The following CACNA1E variants were observed in gnomAD, a reference collection of about 807,000 sequenced individuals.
The protein encoded by CACNA1E is calcium voltage-gated channel subunit alpha1 E, also known as voltage-dependent R-type calcium channel subunit alpha-1E.
Under a neutral mutation model 259.2 loss-of-function variants are expected in CACNA1E, and 40 were observed. The observed-to-expected ratio is 0.15, with a 90% CI of 0.12 to 0.20. CACNA1E has a LOEUF of 0.20. CACNA1E is among the 10% of genes least tolerant of loss of function. The pLI, the probability that CACNA1E is intolerant of heterozygous loss-of-function variation, is 1.00. For synonymous variants in CACNA1E, 1,104 were observed against 1,138.5 expected (o/e 0.97, Z 0.61); for missense variants, 1,874 against 3,040.1 (o/e 0.62, Z 9.02).
intron 7 of CACNA1E, among the ~76,000 whole-genome samples, chr1:181,665,049 G>A (rs570934660): frequency 1.3e-5 from 2 of 152,058 alleles, no homozygotes; most frequent in African/African-American, 4.8e-5. Context: ...ATTTCTGGTT[G>A]ACCAAGTTCT....
chr1:181,795,088 C>T (rs768118535), intron 46 of CACNA1E, 44 bp downstream of exon 46: 2 of 1,532,512 alleles, frequency 1.3e-6, no homozygotes, highest in Admixed American at 3.5e-5. Context: ...AGGCAGTGGG[C>T]TCCTGCCCTG....
chr1:181,363,838 G>A (rs1654067165), intron 1 of CACNA1E, among the ~76,000 whole-genome samples: 1 of 152,232 alleles, frequency 6.6e-6, no homozygotes. Context: ...TGGTGAGAGA[G>A]CTCTGGGAAG....
At chr1:181,716,603 T>G (rs949926769) in intron 10 of CACNA1E, among the ~76,000 whole-genome samples, 2 of 152,240 alleles carry the variant, frequency 1.3e-5, no homozygotes, top group Non-Finnish European at 2.9e-5. Context: ...TAACATTATG[T>G]GTTCCATCTC....
At chr1:181,500,474 C>A (rs964829207) in intron 1 of CACNA1E, among the ~76,000 whole-genome samples, 1 of 152,178 alleles carries the variant, frequency 6.6e-6, no homozygotes, top group Non-Finnish European at 1.5e-5. Flanking sequence ...TGGGGCTTTT[C>A]CCCCGAAGTT....
At chr1:181,524,958 C>T (rs1667246045) in intron 3 of CACNA1E, among the ~76,000 whole-genome samples, 1 of 152,174 alleles carries the variant, frequency 6.6e-6, no homozygotes, top group Non-Finnish European at 1.5e-5. Flanking sequence ...TAAATGTTTT[C>T]TTCTAATTAT....
At chr1:181,433,999 C>T (rs75069939) in intron 2 of CACNA1E, among the ~76,000 whole-genome samples, 1,907 of 152,270 alleles carry the variant, frequency 0.013, 38 homozygotes, top group African/African-American at 0.04. Context: ...CACTGGAGAC[C>T]GGCATGTTTG....
intron 6 of CACNA1E, among the ~76,000 whole-genome samples, chr1:181,636,985 C>G (rs912024489): frequency 6.6e-6 from 1 of 152,188 alleles, no homozygotes; most frequent in African/African-American, 2.4e-5. Flanking sequence ...TCAATATGCA[C>G]CCCCATCCCT....
rs566248759 is a variant in CACNA1E at position 181,594,544 on chromosome 1, C to T, written c.951+13768C>T. Among the ~76,000 whole-genome samples, 11 of 152,232 alleles carry T rather than the reference C, an allele frequency of 7.2e-5. No homozygotes were observed. In the East Asian group the frequency reaches 2.1e-3, roughly 29 times the overall value. ...CTCCTGAGTAGCTAGGATCACAGGCCCCTGCTACCATGCCAGACTAATTTT... is the reference window on the plus strand; with the variant it reads ...CTCCTGAGTAGCTAGGATCACAGGCTCCTGCTACCATGCCAGACTAATTTT... On this transcript the variant is annotated intron_variant, in intron 6 of 47. Coordinates refer to ENST00000367573, the MANE Select transcript of CACNA1E (RefSeq NM_001205293.3).
At chr1:181,790,904 G>A (rs1441004141) in intron 44 of CACNA1E, among the ~76,000 whole-genome samples, 1 of 152,236 alleles carries the variant, frequency 6.6e-6, no homozygotes, top group Non-Finnish European at 1.5e-5. Flanking sequence ...ACCAGAGAAT[G>A]AGTGACACCA....
At chr1:181,381,475 A>G (rs1655457007) in intron 1 of CACNA1E, among the ~76,000 whole-genome samples, 1 of 152,226 alleles carries the variant, frequency 6.6e-6, no homozygotes, top group South Asian at 2.1e-4. Flanking sequence ...GACAGAAAGC[A>G]TATCAATGAT....
At chr1:181,471,167 C>T (rs1662480987) in intron 2 of CACNA1E, among the ~76,000 whole-genome samples, 1 of 152,194 alleles carries the variant, frequency 6.6e-6, no homozygotes, top group Admixed American at 6.5e-5. Context: ...AAACACTAAT[C>T]CCATCCATAA....
At chr1:181,704,915 A>G (rs898239170) in intron 7 of CACNA1E, among the ~76,000 whole-genome samples, 7 of 152,182 alleles carry the variant, frequency 4.6e-5, no homozygotes, top group African/African-American at 1.7e-4. Context: ...AAGCATCGAG[A>G]TACCAGTCCA....
intron 16 of CACNA1E, among the ~76,000 whole-genome samples, chr1:181,723,121 A>G (rs1476195385): frequency 6.6e-6 from 1 of 152,216 alleles, no homozygotes; most frequent in Admixed American, 6.5e-5. Flanking sequence ...GTTAAATGAA[A>G]TGTGGAACCC....
chr1:181,619,500 C>T (rs1037730308), intron 6 of CACNA1E, among the ~76,000 whole-genome samples: 3 of 152,094 alleles, frequency 2.0e-5, no homozygotes, highest in African/African-American at 7.2e-5. Flanking sequence ...GTTAGGAAGC[C>T]TTTGGAGAGC....
intron 1 of CACNA1E, among the ~76,000 whole-genome samples, chr1:181,390,477 A>T (rs528441353): frequency 6.6e-6 from 1 of 152,210 alleles, no homozygotes; most frequent in Non-Finnish European, 1.5e-5. Context: ...GCCACAAAGG[A>T]TGGAATCATG....
intron 1 of CACNA1E, among the ~76,000 whole-genome samples, chr1:181,357,197 G>T (rs1653514168): frequency 6.6e-6 from 1 of 152,082 alleles, no homozygotes; most frequent in East Asian, 1.9e-4. Flanking sequence ...AGGCTCACTG[G>T]TCTGGGGCAG....
At chr1:181,431,317 C>T (rs931031717) in intron 2 of CACNA1E, among the ~76,000 whole-genome samples, 2 of 152,138 alleles carry the variant, frequency 1.3e-5, no homozygotes, top group Admixed American at 1.3e-4. Flanking sequence ...CATATACTGA[C>T]CATGAAACTC....
chr1:181,794,818 ATCGTTAATCCATACC>A, intron 45 of CACNA1E, 31 bp from the exon 46 acceptor site: 3 of 1,539,982 alleles, frequency 1.9e-6, no homozygotes, highest in Non-Finnish European at 2.6e-6. Context: ...GATCTTTTCA[ATCGTTAATCCATACC>A]TTGTGTTTCT....
chr1:181,793,183 A>G (rs1458116740), intron 44 of CACNA1E, among the ~76,000 whole-genome samples: 1 of 152,228 alleles, frequency 6.6e-6, no homozygotes, highest in Non-Finnish European at 1.5e-5. Flanking sequence ...CAATCAGAAG[A>G]AAACTCTTAA....
Sources: allele counts gnomAD v4.1 joint callset (sites outside exome capture counted in the v4.1 genomes callset), GRCh38; gene constraint gnomAD v4.1.1; transcripts MANE v1.5; gene names NCBI Gene and HGNC (gene_info 2026-07-23, HGNC 2026-07-21).